Variants in TUSC3 observed in about 807,000 individuals in gnomAD.
TUSC3 encodes tumor suppressor candidate 3, also known as dolichyl-diphosphooligosaccharide--protein glycosyltransferase subunit TUSC3.
Under a neutral mutation model 44.8 loss-of-function variants are expected in TUSC3, and 45 were observed. The ratio of observed to expected loss-of-function variants is 1.00; its 90% CI spans 0.79 to 1.29. The LOEUF is 1.29. Among genes scored for constraint, TUSC3 ranks in the 50% most tolerant of loss-of-function variants. The pLI, the probability that TUSC3 is intolerant of heterozygous loss-of-function variation, is 0.00. For missense variants in TUSC3, 519 were observed against 437.9 expected (o/e 1.19, Z -1.65); for synonymous variants, 212 against 152.9 (o/e 1.39, Z -2.85).
rs181955268 is a variant in TUSC3, at chr8:15,661,524, T to A, written c.568-632T>A. ...ATATTACATAGGTCCTGTTTTGTTT[T>A]AATCACCTCTATAGGCACGTAATGT... On this transcript the variant is annotated intron_variant, in intron 4 of 10. Transcript: ENST00000503731. Among the ~76,000 whole-genome samples the A allele has an allele frequency of 5.9e-5, 9 of 152,126 alleles. No individual in the cohort carries two copies. In the East Asian group the frequency reaches 1.7e-3, roughly 29 times the overall value.
chr8:15,509,304 G>A (rs182854329), intron 2 of TUSC3, among the ~76,000 whole-genome samples: 10 of 152,202 alleles, frequency 6.6e-5, no homozygotes, highest in Admixed American at 3.3e-4. Flanking sequence ...TGAATGCTAC[G>A]TGAAATTCAA....
At chr8:15,435,501 T>G (rs558168054) in intron 1 of TUSC3, among the ~76,000 whole-genome samples, 1 of 152,332 alleles carries the variant, frequency 6.6e-6, no homozygotes, top group East Asian at 1.9e-4. Flanking sequence ...CATGCATATT[T>G]CAAATAGCAT....
At chr8:15,593,108 C>T (rs935937004) in intron 1 of TUSC3, among the ~76,000 whole-genome samples, 7 of 151,928 alleles carry the variant, frequency 4.6e-5, no homozygotes, top group Admixed American at 1.3e-4. Context: ...TTTTTTGAGA[C>T]GGAGTCTCAC....
intron 2 of TUSC3, among the ~76,000 whole-genome samples, chr8:15,495,585 G>A (rs1800869885): frequency 2.0e-5 from 3 of 152,064 alleles, no homozygotes; most frequent in African/African-American, 4.8e-5. Context: ...CCCTTGAAAT[G>A]TTTGTGTATT....
At chr8:15,568,161 A>G (rs1407336589) in intron 1 of TUSC3, among the ~76,000 whole-genome samples, 2 of 152,110 alleles carry the variant, frequency 1.3e-5, no homozygotes, top group African/African-American at 4.8e-5. Context: ...TGGCCTGTGA[A>G]ATTGGAAGGA....
At chr8:15,421,085 G>A (rs1799732722) in intron 1 of TUSC3, among the ~76,000 whole-genome samples, 1 of 152,138 alleles carries the variant, frequency 6.6e-6, no homozygotes, top group South Asian at 2.1e-4. Context: ...ACATAGTCAT[G>A]TCCAAATTAA....
the TUSC3 span, among the ~76,000 whole-genome samples, chr8:15,810,653 G>A: frequency 6.6e-6 from 1 of 151,558 alleles, no homozygotes; most frequent in East Asian, 1.9e-4. Context: ...CAAGGAGGGG[G>A]GGCGGGAAAG....
the TUSC3 span, among the ~76,000 whole-genome samples, chr8:15,837,644 T>C: frequency 6.6e-6 from 1 of 152,142 alleles, no homozygotes; most frequent in South Asian, 2.1e-4. Context: ...ATTTAATCTT[T>C]TTCTGTTGTC....
intron 2 of TUSC3, among the ~76,000 whole-genome samples, chr8:15,500,062 C>A (rs1168990840): frequency 1.3e-5 from 2 of 152,086 alleles, no homozygotes; most frequent in Non-Finnish European, 2.9e-5. Flanking sequence ...ATTGTCTGGC[C>A]ATCATCATAA....
At chr8:15,818,260 G>C in the TUSC3 span, among the ~76,000 whole-genome samples, 2 of 152,176 alleles carry the variant, frequency 1.3e-5, no homozygotes, top group Non-Finnish European at 2.9e-5. Context: ...GATGGAGAGA[G>C]CGTGTATTCA....
At chr8:15,834,124 C>A in the TUSC3 span, among the ~76,000 whole-genome samples, 1 of 152,150 alleles carries the variant, frequency 6.6e-6, no homozygotes, top group East Asian at 1.9e-4. Context: ...TTCTTTTTCA[C>A]GTTGTCTAAT....
chr8:15,465,088 TC>T (rs1447741129), intron 1 of TUSC3, among the ~76,000 whole-genome samples: 28 of 152,142 alleles, frequency 1.8e-4, no homozygotes, highest in Admixed American at 5.9e-4. Context: ...GACCTCGTGA[TC>T]CACCTGCCTT....
At position 15,687,080 on chromosome 8, in the gene TUSC3, AC is replaced by A. The variant is rs530348684; in HGVS notation, c.798+13245del. ...AGAGCAAGACTCCGTCTCAAAAAAA[AC>A]AAAAAACAAAAAAATGGTAAGACAA... On this transcript the variant is annotated intron_variant, in intron 6 of 10. Transcript: ENST00000503731. Among the ~76,000 whole-genome samples, 589 of 152,268 alleles carry A rather than the reference AC, an allele frequency of 3.9e-3. 4 individuals carry two copies. Among genetic ancestry groups the A allele is most frequent in the African/African-American group, 0.014 (575 of 41,514 alleles).
At chr8:15,650,868 A>G in intron 3 of TUSC3, 54 bp downstream of exon 3, 3 of 1,563,370 alleles carry the variant, frequency 1.9e-6, no homozygotes, top group Non-Finnish European at 2.6e-6. Flanking sequence ...TGGTCGATAC[A>G]TTTTTGTTTG....
At chr8:15,711,991 C>G (rs1026452839) in intron 6 of TUSC3, among the ~76,000 whole-genome samples, 6 of 151,788 alleles carry the variant, frequency 4.0e-5, no homozygotes, top group Non-Finnish European at 8.8e-5. Flanking sequence ...TTTGTTCAGA[C>G]CTTGATTTTT....
chr8:15,847,687 CT>C, the TUSC3 span, among the ~76,000 whole-genome samples: 1 of 152,130 alleles, frequency 6.6e-6, no homozygotes, highest in African/African-American at 2.4e-5. Context: ...TTTAACTACT[CT>C]GAGTTCATGG....
At chr8:15,492,627 T>A (rs929884709) in intron 2 of TUSC3, among the ~76,000 whole-genome samples, 15 of 136,370 alleles carry the variant, frequency 1.1e-4, no homozygotes, top group African/African-American at 4.3e-4. Flanking sequence ...AGACACAAAT[T>A]AAATAATTTT....
intron 5 of TUSC3, among the ~76,000 whole-genome samples, chr8:15,673,058 C>G (rs1362894893): frequency 6.6e-6 from 1 of 152,056 alleles, no homozygotes; most frequent in African/African-American, 2.4e-5. Context: ...GCTGACACCT[C>G]AGTTATACTG....
At chr8:15,639,260 C>G (rs541466245) in intron 2 of TUSC3, among the ~76,000 whole-genome samples, 2 of 143,034 alleles carry the variant, frequency 1.4e-5, no homozygotes, top group South Asian at 2.3e-4. Context: ...GATCATGTGT[C>G]GATGCTAGAT....
Sources: gnomAD v4.1 joint callset for allele counts (sites outside exome capture counted in the v4.1 genomes callset) on GRCh38, gnomAD v4.1.1 for gene constraint, MANE v1.5 for transcripts, NCBI Gene and HGNC (gene_info 2026-07-23, HGNC 2026-07-21) for gene names.